The following LTF variants were observed in gnomAD, a reference collection of about 807,000 sequenced individuals.
LTF encodes the protein lactotransferrin.
A neutral mutation model predicts 87.2 loss-of-function variants in LTF; 91 were observed. The observed-to-expected ratio is 1.04, with a 90% confidence interval of 0.88 to 1.24. The LOEUF is 1.24. Among genes scored for constraint, LTF ranks in the 50% most tolerant of loss-of-function variants. The pLI is 0.00. For missense variants in LTF, 901 were observed against 904.3 expected (o/e 1.00, Z 0.05); for synonymous variants, 378 against 356.1 (o/e 1.06, Z -0.69).
chr3:46,450,244 G>A (rs567246048), intron 7 of LTF, among the ~76,000 whole-genome samples: 119 of 152,126 alleles, frequency 7.8e-4, no homozygotes, highest in Non-Finnish European at 1.4e-3. Context: ...AGCACCTTAG[G>A]GCCCTGAGAA....
At position 46,443,656 on chromosome 3, in the gene LTF, T is replaced by C; in HGVS notation, c.1514-74A>G. The stretch of plus-strand genomic sequence containing the variant: ...CAAGCAACCTTTACCTAACAGCCGA[T>C]GCAGGGTGGTTTCAGTTCATTAGAC... On this transcript the variant is annotated intron_variant, in intron 12 of 16. Coordinates refer to ENST00000231751, the MANE Select transcript of LTF (RefSeq NM_002343.6). 4.0e-6 allele frequency: 6 copies of C among 1,509,692 alleles called. No homozygotes were observed. The East Asian group carries it at 9.0e-5, about 23-fold the overall frequency. 93.5% of individuals were successfully genotyped at this position (1,509,692 alleles called of 1,614,324 possible). A position where few individuals can be genotyped will look rare whatever the true frequency, so the allele number is the denominator to read the frequency against.
chr3:46,457,676 G>A (rs180799927), intron 2 of LTF, among the ~76,000 whole-genome samples: 2 of 152,330 alleles, frequency 1.3e-5, no homozygotes, highest in Non-Finnish European at 1.5e-5. Context: ...TGATTAGTAA[G>A]GGGAACATCT....
chr3:46,453,568 T>C (rs757882578), intron 6 of LTF, among the ~76,000 whole-genome samples: 9 of 151,888 alleles, frequency 5.9e-5, no homozygotes, highest in Non-Finnish European at 1.3e-4. Flanking sequence ...CCTGAGTGAA[T>C]GTGGGTGTCT....
At chr3:46,448,030 G>A (rs1702698801) in intron 9 of LTF, among the ~76,000 whole-genome samples, 1 of 152,184 alleles carries the variant, frequency 6.6e-6, no homozygotes, top group African/African-American at 2.4e-5. Flanking sequence ...TGACTAAACT[G>A]AGCCATATTC....
At chr3:46,442,531 C>T (rs1324996580) in intron 13 of LTF, among the ~76,000 whole-genome samples, 3 of 150,764 alleles carry the variant, frequency 2.0e-5, no homozygotes, top group African/African-American at 4.9e-5. Flanking sequence ...ATGCTTCTTT[C>T]GGGCTCTTAT....
intron 14 of LTF, 113 bp downstream of exon 14, chr3:46,441,303 T>C (rs1481137196): frequency 1.2e-5 from 9 of 773,216 alleles, no homozygotes; most frequent in African/African-American, 1.1e-4. Flanking sequence ...GTTCTTTTAA[T>C]CACAAATATG....
At chr3:46,447,197 G>T in intron 10 of LTF, 111 bp downstream of exon 10, 5 of 736,432 alleles carry the variant, frequency 6.8e-6, no homozygotes, top group East Asian at 2.6e-5. Flanking sequence ...TCTCCCTTTT[G>T]AATGTATCTG....
intron 6 of LTF, 94 bp downstream of exon 6, chr3:46,454,211 C>T: frequency 9.2e-7 from 1 of 1,087,238 alleles, no homozygotes; most frequent in Non-Finnish European, 1.4e-6. Context: ...AATGGTCTGC[C>T]ATGAACTTAG....
intron 14 of LTF, 78 bp downstream of exon 14, chr3:46,441,338 A>G: frequency 3.4e-6 from 4 of 1,191,220 alleles, no homozygotes; most frequent in Non-Finnish European, 3.6e-6. Context: ...ACCTTCCCAA[A>G]GGCAAATCTG....
intron 2 of LTF, among the ~76,000 whole-genome samples, chr3:46,458,263 T>C (rs900933676): frequency 6.6e-6 from 1 of 152,268 alleles, no homozygotes; most frequent in African/African-American, 2.4e-5. Flanking sequence ...AAGAGATTTC[T>C]ATTTCCTCTA....
chr3:46,483,839 G>T (rs572153616), intron 1 of LTF, among the ~76,000 whole-genome samples: 1 of 152,080 alleles, frequency 6.6e-6, no homozygotes, highest in South Asian at 2.1e-4. Context: ...CAGGGATCTT[G>T]CTATGTTGGC....
upstream of LTF, among the ~76,000 whole-genome samples, chr3:46,467,527 C>T (rs1198104198): frequency 3.3e-5 from 5 of 152,088 alleles, no homozygotes; most frequent in Non-Finnish European, 5.9e-5. Flanking sequence ...AGTAAACAAC[C>T]AAACAAGTAA....
At chr3:46,446,414 C>A in intron 11 of LTF, 26 bp downstream of exon 11, 1 of 1,601,320 alleles carries the variant, frequency 6.2e-7, no homozygotes, top group Middle Eastern at 1.7e-4. Context: ...TATCCTTGAC[C>A]CTGAAAGTGG....
chr3:46,438,587 A>G lies in LTF; in HGVS notation c.1909-458T>C, dbSNP rs1702443539. 2.6e-5 allele frequency among the ~76,000 whole-genome samples: 4 copies of G among 152,174 alleles called. No homozygotes were observed. In the South Asian group the frequency reaches 8.3e-4, roughly 31 times the overall value. ...GTCGGTCACCCTGCCTCCCTCACAC[A>G]GTTCCTGCTCTGTCCCAGGCTCCCA... is the stretch of plus-strand genomic sequence containing the variant. On this transcript the variant is annotated intron_variant, in intron 15 of 16. Transcript: ENST00000231751.
intron 12 of LTF, among the ~76,000 whole-genome samples, chr3:46,444,801 G>C (rs71327066): frequency 6.6e-6 from 1 of 152,138 alleles, no homozygotes; most frequent in Non-Finnish European, 1.5e-5. Context: ...GGTGGGGAGA[G>C]AAAACTGCAG....
intron 1 of LTF, among the ~76,000 whole-genome samples, chr3:46,479,514 GT>G: frequency 2.3e-5 from 1 of 43,070 alleles, no homozygotes; most frequent in Non-Finnish European, 3.6e-5. Context: ...TTTTCTGTTT[GT>G]TTGTTTGTTT....
chr3:46,475,751 T>C (rs1043542721), intron 1 of LTF, among the ~76,000 whole-genome samples: 4 of 152,230 alleles, frequency 2.6e-5, no homozygotes, highest in East Asian at 1.9e-4. Context: ...AAATGTACAA[T>C]TGAGCAAATT....
rs931840164 is a variant in LTF at position 46,448,867 on chromosome 3, A to G, written c.1208T>C (p.Val403Ala). ...CCCTGTGATGGAGCTCCCTACCAGC[A>G]CCAGGGCGATGCAGTCCTCTGTGGT... ...ASTTEDCIAL[V>A]LKGEADAMSL... Residue 403 changes from valine (V) to alanine (A), a missense_variant, in exon 9 of 17, where the codon GTG becomes GCG. Transcript: ENST00000231751. 6.2e-7 allele frequency: 1 copy of G among 1,612,642 alleles called. No individual in the cohort carries two copies. Among genetic ancestry groups the G allele is most frequent in the Non-Finnish European group, 8.5e-7 (1 of 1,179,614 alleles).
intron 1 of LTF, among the ~76,000 whole-genome samples, chr3:46,472,812 A>G (rs935207211): frequency 5.3e-5 from 8 of 152,160 alleles, no homozygotes; most frequent in African/African-American, 1.7e-4. Flanking sequence ...AAGGAAACTC[A>G]GCAATCAAAG....
Sources: allele counts gnomAD v4.1 joint callset (sites outside exome capture counted in the v4.1 genomes callset), GRCh38; gene constraint gnomAD v4.1.1; transcripts MANE v1.5; gene names NCBI Gene and HGNC (gene_info 2026-07-23, HGNC 2026-07-21).